The following GLI3 variants were observed in gnomAD, a reference collection of about 807,000 sequenced individuals.
GLI3 encodes GLI family zinc finger 3, also known as transcription activator GLI3.
Under a neutral mutation model 100.8 loss-of-function variants are expected in GLI3, and 20 were observed. That is an observed-to-expected ratio of 0.20 (90% CI 0.14 to 0.29). The LOEUF is 0.29. Ranked by LOEUF, GLI3 falls within the 10% of genes least tolerant of loss-of-function variation. GLI3 has a pLI of 1.00. For synonymous variants in GLI3, 938 were observed against 860.5 expected (o/e 1.09, Z -1.58); for missense variants, 2,040 against 2,128.5 (o/e 0.96, Z 0.82).
chr7:42,020,839 G>A lies in GLI3; in HGVS notation c.1497+2629C>T, dbSNP rs563914762. 6.3e-3 allele frequency among the ~76,000 whole-genome samples: 929 copies of A among 147,444 alleles called. 9 individuals carry two copies. The highest frequency in any genetic ancestry group is 0.022 in the African/African-American group (887 of 39,600). On this transcript the variant is annotated intron_variant, in intron 10 of 14. Coordinates refer to ENST00000395925, the MANE Select transcript of GLI3 (RefSeq NM_000168.6). ...TGGGAGGCGGAGCTTGCAGTGAGCC[G>A]AGATCGCGCCACTGCACTCCAGCCT...
chr7:42,187,253 T>C (rs1787735303), intron 2 of GLI3, among the ~76,000 whole-genome samples: 1 of 151,406 alleles, frequency 6.6e-6, no homozygotes, highest in Admixed American at 6.6e-5. Context: ...AGCAATAAAA[T>C]TATTTTAAAA....
intron 2 of GLI3, among the ~76,000 whole-genome samples, chr7:42,206,991 C>T (rs1042960488): frequency 2.0e-5 from 3 of 152,056 alleles, no homozygotes; most frequent in African/African-American, 7.2e-5. Flanking sequence ...CAAATGAAAC[C>T]ACAACTGGAT....
intron 10 of GLI3, among the ~76,000 whole-genome samples, chr7:41,990,378 C>CTTTACTTTTG (rs1787951333): frequency 5.3e-5 from 8 of 151,972 alleles, no homozygotes; most frequent in Non-Finnish European, 1.2e-4. Flanking sequence ...AGTGTGATTC[C>CTTTACTTTTG]AAGAAAATTC....
intron 3 of GLI3, among the ~76,000 whole-genome samples, chr7:42,097,863 C>T (rs968285652): frequency 6.6e-6 from 1 of 152,084 alleles, no homozygotes; most frequent in Non-Finnish European, 1.5e-5. Flanking sequence ...GGTATATGTT[C>T]TATACCAGAC....
chr7:41,968,948 G>A (rs939065454), intron 13 of GLI3, among the ~76,000 whole-genome samples: 1 of 152,102 alleles, frequency 6.6e-6, no homozygotes, highest in African/African-American at 2.4e-5. Context: ...GCAAACAATG[G>A]AATCTTAATC....
chr7:41,991,358 G>A (rs1249972614), intron 10 of GLI3, among the ~76,000 whole-genome samples: 2 of 152,020 alleles, frequency 1.3e-5, no homozygotes, highest in African/African-American at 2.4e-5. Context: ...CCTCCGCTTC[G>A]GCATGCTTTT....
chr7:42,076,734 G>T lies in GLI3; in HGVS notation c.473+18C>A. The T allele has an allele frequency of 2.1e-6, 3 of 1,437,008 alleles. No individual in the cohort carries two copies. The highest frequency in any genetic ancestry group is 1.1e-5 in the South Asian group (1 of 87,622). 89.0% of individuals were successfully genotyped at this position (1,437,008 alleles called of 1,614,324 possible). On this transcript the variant is annotated intron_variant, in intron 4 of 14. Coordinates refer to ENST00000395925, the MANE Select transcript of GLI3 (RefSeq NM_000168.6). ...CATCTCGTTCCATTTCATTAATGAA[G>T]AAAGTGTTAATACTTACATATGCAA...
intron 2 of GLI3, among the ~76,000 whole-genome samples, chr7:42,202,327 C>CAT (rs1332820697): frequency 3.3e-5 from 1 of 30,396 alleles, no homozygotes; most frequent in African/African-American, 6.5e-5. Flanking sequence ...CTGTCTCTCT[C>CAT]TCTCTCTCTC....
intron 2 of GLI3, among the ~76,000 whole-genome samples, chr7:42,184,081 AC>A (rs1443609317): frequency 6.6e-6 from 1 of 152,220 alleles, no homozygotes; most frequent in Non-Finnish European, 1.5e-5. Flanking sequence ...TAGATGCGTC[AC>A]TCATGCAAAA....
At chr7:42,203,533 T>A (rs1302383768) in intron 2 of GLI3, among the ~76,000 whole-genome samples, 1 of 152,176 alleles carries the variant, frequency 6.6e-6, no homozygotes, top group East Asian at 1.9e-4. Context: ...TCCAGTTGCA[T>A]CCATGTTGTC....
At chr7:42,103,742 A>AGTG (rs139157487) in intron 3 of GLI3, among the ~76,000 whole-genome samples, 1 of 151,304 alleles carries the variant, frequency 6.6e-6, no homozygotes, top group African/African-American at 2.4e-5. Flanking sequence ...TCACCTATCC[A>AGTG]AGAGCACCCA....
intron 10 of GLI3, among the ~76,000 whole-genome samples, chr7:41,993,814 C>T (rs537459539): frequency 1.3e-5 from 2 of 152,234 alleles, no homozygotes; most frequent in East Asian, 1.9e-4. Flanking sequence ...GAAACGGAAG[C>T]AATTTCCTGT....
At chr7:42,048,409 A>C (rs1784288197) in intron 5 of GLI3, 82 bp downstream of exon 5, 2 of 920,022 alleles carry the variant, frequency 2.2e-6, no homozygotes, top group Non-Finnish European at 3.6e-6. Flanking sequence ...ACTAAACATC[A>C]GGTCTACTTT....
chr7:42,206,932 G>A (rs550597720), intron 2 of GLI3, among the ~76,000 whole-genome samples: 4 of 152,104 alleles, frequency 2.6e-5, no homozygotes, highest in South Asian at 4.1e-4. Context: ...ATATCCAAAC[G>A]GCCGATAAAT....
intron 10 of GLI3, among the ~76,000 whole-genome samples, chr7:41,983,540 T>C (rs1208814917): frequency 6.6e-6 from 1 of 152,164 alleles, no homozygotes; most frequent in African/African-American, 2.4e-5. Context: ...CATTGAAAAT[T>C]TGACTTCCCA....
chr7:42,054,237 G>A (rs763956863), intron 4 of GLI3, among the ~76,000 whole-genome samples: 1 of 152,204 alleles, frequency 6.6e-6, no homozygotes, highest in Non-Finnish European at 1.5e-5. Flanking sequence ...CTTAAAACAT[G>A]TTGCAGAGAA....
chr7:42,000,133 C>T (rs1185046796), intron 10 of GLI3, among the ~76,000 whole-genome samples: 1 of 152,136 alleles, frequency 6.6e-6, no homozygotes, highest in Non-Finnish European at 1.5e-5. Flanking sequence ...AACTTTCTAT[C>T]TTAGAAGGGG....
In GLI3 at chr7:42,038,336, C is replaced by G. The variant is rs147261662; in HGVS notation, c.1028+1702G>C. ...ATGAACCATCCCAGCTCAGCTCCCC[C>G]TGAAACTTCACCCCAGGTAGGAATC... On this transcript the variant is annotated intron_variant, in intron 7 of 14. Transcript: ENST00000395925. Among the ~76,000 whole-genome samples the G allele has an allele frequency of 6.2e-4, 95 of 152,344 alleles. 1 individual carries two copies. In the East Asian group the frequency reaches 0.018, roughly 28 times the overall value.
chr7:42,169,735 C>T (rs2190513), intron 2 of GLI3, among the ~76,000 whole-genome samples: 99,812 of 151,656 alleles, frequency 0.66, 34,360 homozygotes, highest in African/African-American at 0.87. Context: ...ATTAATAATG[C>T]CCACAAAGCA....
Sources: allele counts gnomAD v4.1 joint callset (sites outside exome capture counted in the v4.1 genomes callset), GRCh38; gene constraint gnomAD v4.1.1; transcripts MANE v1.5; gene names NCBI Gene and HGNC (gene_info 2026-07-23, HGNC 2026-07-21).